MAP3K7: variants seen among roughly 807,000 people sequenced by gnomAD.
The protein encoded by MAP3K7 is mitogen-activated protein kinase kinase kinase 7.
In MAP3K7, 21 loss-of-function variants were observed where a neutral mutation model predicts 84.8. The ratio of observed to expected loss-of-function variants is 0.25; its 90% CI spans 0.18 to 0.36. The LOEUF is 0.36. Among genes scored for constraint, MAP3K7 ranks in the 10% least tolerant of loss-of-function variants. The pLI is 1.00. For synonymous variants in MAP3K7, 241 were observed against 247.7 expected (o/e 0.97, Z 0.25); for missense variants, 503 against 747.7 (o/e 0.67, Z 3.82).
intron 9 of MAP3K7, among the ~76,000 whole-genome samples, chr6:90,548,672 G>A (rs1173951839): frequency 6.6e-6 from 1 of 151,954 alleles, no homozygotes; most frequent in African/African-American, 2.4e-5. Context: ...AGACAGATAA[G>A]TGAAGAAGCC....
intron 14 of MAP3K7, among the ~76,000 whole-genome samples, chr6:90,522,929 TTAATA>T (rs1428086906): frequency 3.9e-5 from 6 of 152,158 alleles, no homozygotes; most frequent in Admixed American, 6.6e-5. Flanking sequence ...CCTTCGTGAC[TTAATA>T]TAATATAAAT....
chr6:90,563,915 A>G (rs536503802), intron 3 of MAP3K7, among the ~76,000 whole-genome samples: 94 of 152,332 alleles, frequency 6.2e-4, no homozygotes, highest in African/African-American at 2.2e-3. Flanking sequence ...GCCAATAGTC[A>G]ACATTCTTAA....
intron 1 of MAP3K7, among the ~76,000 whole-genome samples, chr6:90,586,121 C>T (rs1777440904): frequency 6.6e-6 from 1 of 151,972 alleles, no homozygotes; most frequent in South Asian, 2.1e-4. Context: ...GCCTGTAATC[C>T]CAGCACTTTG....
chr6:90,537,184 AG>A (rs1775708759), intron 12 of MAP3K7: 2 of 152,182 alleles, frequency 1.3e-5, no homozygotes, highest in South Asian at 4.1e-4. Context: ...CTGTTTATGC[AG>A]TATCTTCTAA....
intron 3 of MAP3K7, among the ~76,000 whole-genome samples, chr6:90,567,430 A>T (rs1159092234): frequency 3.3e-5 from 5 of 152,246 alleles, no homozygotes; most frequent in Non-Finnish European, 7.3e-5. Context: ...TCTCAAAAGA[A>T]GATGTTTATG....
At chr6:90,584,288 T>G (rs542896276) in intron 1 of MAP3K7, among the ~76,000 whole-genome samples, 4 of 152,318 alleles carry the variant, frequency 2.6e-5, no homozygotes, top group African/African-American at 9.6e-5. Flanking sequence ...TGTGTAACAC[T>G]GGTTTAATGT....
At chr6:90,565,257 A>C (rs1157042495) in intron 3 of MAP3K7, among the ~76,000 whole-genome samples, 1 of 152,202 alleles carries the variant, frequency 6.6e-6, no homozygotes, top group Non-Finnish European at 1.5e-5. Context: ...TCAAAAAAAA[A>C]ATCAATGAAT....
At chr6:90,574,682 TA>T (rs1777014294) in intron 1 of MAP3K7, among the ~76,000 whole-genome samples, 2 of 152,218 alleles carry the variant, frequency 1.3e-5, no homozygotes, top group Non-Finnish European at 2.9e-5. Context: ...AAACATTATC[TA>T]TATTTGTGAA....
intron 13 of MAP3K7, among the ~76,000 whole-genome samples, chr6:90,530,550 T>A (rs567137779): frequency 6.6e-6 from 1 of 152,280 alleles, no homozygotes; most frequent in East Asian, 1.9e-4. Context: ...CTAAGAAATA[T>A]AAGGCTTGCA....
At chr6:90,582,959 T>A (rs1582250696) in intron 1 of MAP3K7, among the ~76,000 whole-genome samples, 1 of 149,988 alleles carries the variant, frequency 6.7e-6, no homozygotes, top group South Asian at 2.1e-4. Flanking sequence ...CTCAGCTCAC[T>A]GCAACCTCTG....
At chr6:90,520,122 T>C (rs34594707) in intron 14 of MAP3K7, among the ~76,000 whole-genome samples, 4 of 152,136 alleles carry the variant, frequency 2.6e-5, no homozygotes, top group Non-Finnish European at 4.4e-5. Context: ...GTTCCAGAAG[T>C]AAACAGAGTA....
At chr6:90,561,579 T>G (rs1582217421) in intron 4 of MAP3K7, 43 bp downstream of exon 4, 1 of 1,458,686 alleles carries the variant, frequency 6.9e-7, no homozygotes. Flanking sequence ...ATTTTTCAAA[T>G]TATTTTAATC....
chr6:90,550,651 G>C, intron 8 of MAP3K7, 102 bp from the exon 9 acceptor site: 1 of 665,746 alleles, frequency 1.5e-6, no homozygotes, highest in Non-Finnish European at 2.5e-6. Context: ...ATTTGTAGGT[G>C]CCTAAGTTTT....
At chr6:90,581,595 C>G (rs1777272797) in intron 1 of MAP3K7, among the ~76,000 whole-genome samples, 1 of 152,224 alleles carries the variant, frequency 6.6e-6, no homozygotes, top group Non-Finnish European at 1.5e-5. Context: ...CACAGTACAT[C>G]TCACCCATTT....
chr6:90,574,821 A>G (rs191626804), intron 1 of MAP3K7, among the ~76,000 whole-genome samples: 3 of 152,352 alleles, frequency 2.0e-5, no homozygotes, highest in Admixed American at 1.3e-4. Context: ...AAATGAGGAC[A>G]TGAAAAACTT....
chr6:90,557,498 A>G (rs1776373583), intron 5 of MAP3K7, among the ~76,000 whole-genome samples: 1 of 152,168 alleles, frequency 6.6e-6, no homozygotes, highest in Admixed American at 6.5e-5. Context: ...CCATAATACC[A>G]AAAAGACTCT....
chr6:90,534,886 A>G (rs1775617112), intron 13 of MAP3K7, among the ~76,000 whole-genome samples: 1 of 152,290 alleles, frequency 6.6e-6, no homozygotes, highest in South Asian at 2.1e-4. Context: ...TCAAACCTCC[A>G]AAGAATCAAA....
chr6:90,524,178 T>C (rs2127957593), intron 13 of MAP3K7, among the ~76,000 whole-genome samples: 1 of 152,182 alleles, frequency 6.6e-6, no homozygotes, highest in Non-Finnish European at 1.5e-5. Context: ...TGGAGAAACC[T>C]CTGCTTAAAG....
At position 90,586,872 on chromosome 6, in the gene MAP3K7, G is replaced by A. The variant is rs913776113; in HGVS notation, c.12C>T (p.Ala4=). The change falls in exon 1 of 17, where the codon GCC becomes GCT. Residue 4 remains alanine (A), a synonymous_variant. Transcript: ENST00000369329. MST[A]SAASSSSSSS... Reference sequence around the variant, plus strand: ...ACGAGGAGGAGGAGGAGGCGGCAGAGGCTGTAGACATGATCCCTCGCGGCG... The same window carrying A: ...ACGAGGAGGAGGAGGAGGCGGCAGAAGCTGTAGACATGATCCCTCGCGGCG... The A allele has an allele frequency of 1.9e-6, 3 of 1,609,778 alleles. No homozygotes were observed. The African/African-American group carries it at 4.0e-5, about 22-fold the overall frequency.
Sources: gnomAD v4.1 joint callset for allele counts (sites outside exome capture counted in the v4.1 genomes callset) on GRCh38, gnomAD v4.1.1 for gene constraint, MANE v1.5 for transcripts, NCBI Gene and HGNC (gene_info 2026-07-23, HGNC 2026-07-21) for gene names.